Variants in ACOT12 observed in about 807,000 individuals in gnomAD.
ACOT12 encodes acetyl-coenzyme A thioesterase.
ACOT12 carries 51 observed loss-of-function variants against 67.7 expected under a neutral mutation model. The ratio of observed to expected loss-of-function variants is 0.75; its 90% CI spans 0.60 to 0.95. The LOEUF is 0.95. ACOT12 is among the 40% of genes least tolerant of loss of function. The pLI is 0.00. For synonymous variants in ACOT12, 251 were observed against 244.6 expected, an observed-to-expected ratio of 1.03 and a Z score of -0.24; for missense variants, 734 against 708.1, an observed-to-expected ratio of 1.04 and a Z score of -0.41.
chr5:81,337,316 G>A (rs1380285598), intron 11 of ACOT12, among the ~76,000 whole-genome samples: 3 of 152,238 alleles, frequency 2.0e-5, no homozygotes, highest in East Asian at 3.9e-4. Context: ...GCTCCATTCT[G>A]GTGGAACAAG....
intron 2 of ACOT12, among the ~76,000 whole-genome samples, chr5:81,380,990 G>A (rs1181889033): frequency 2.6e-5 from 4 of 152,032 alleles, no homozygotes; most frequent in South Asian, 2.1e-4. Context: ...GTAGGTAACC[G>A]TAACACAATG....
chr5:81,326,343 CA>C (rs1758676366), downstream of ACOT12, among the ~76,000 whole-genome samples: 1 of 151,860 alleles, frequency 6.6e-6, no homozygotes, highest in Non-Finnish European at 1.5e-5. Context: ...AGGCTGGTCT[CA>C]AGCTCCCCAT....
the ACOT12 span, among the ~76,000 whole-genome samples, chr5:81,317,533 TCA>T: frequency 6.7e-6 from 1 of 148,748 alleles, no homozygotes; most frequent in African/African-American, 2.5e-5. Flanking sequence ...TTTAATTGAC[TCA>T]CAGTTTCACA....
intron 6 of ACOT12, among the ~76,000 whole-genome samples, chr5:81,346,911 G>A (rs1003937277): frequency 7.9e-5 from 12 of 151,972 alleles, no homozygotes; most frequent in Non-Finnish European, 1.3e-4. Context: ...GCATTTACAG[G>A]GTACAGAGTG....
chr5:81,386,537 A>G (rs906983954), intron 1 of ACOT12, among the ~76,000 whole-genome samples: 13 of 152,150 alleles, frequency 8.5e-5, no homozygotes, highest in African/African-American at 3.1e-4. Flanking sequence ...TACATAAAAA[A>G]CACCAGAATT....
At chr5:81,336,868 A>C (rs1374401875) in intron 11 of ACOT12, among the ~76,000 whole-genome samples, 1 of 152,260 alleles carries the variant, frequency 6.6e-6, no homozygotes, top group African/African-American at 2.4e-5. Context: ...CATCAATAAG[A>C]GAATGAGAAA....
chr5:81,347,944 G>A lies in ACOT12; in HGVS notation c.497-14C>T, dbSNP rs747290507. 1 of 1,611,476 alleles carries A rather than the reference G, an allele frequency of 6.2e-7. No homozygotes were observed. Among genetic ancestry groups the A allele is most frequent in the Non-Finnish European group, 8.5e-7 (1 of 1,178,684 alleles). ...CAAAAATGAGATCTGAAAGGTGGAT[G>A]TAAACATTAATGATGGTGGAGTGAA... On this transcript the variant is annotated splice_polypyrimidine_tract_variant and intron_variant, in intron 5 of 14. Transcript: ENST00000307624.
chr5:81,359,404 G>A (rs945969093), intron 5 of ACOT12, among the ~76,000 whole-genome samples: 3 of 152,138 alleles, frequency 2.0e-5, no homozygotes, highest in African/African-American at 7.2e-5. Flanking sequence ...TAAAACGCAG[G>A]GTGATTGTGG....
rs888375746 is a variant in ACOT12, at chr5:81,348,638, C to T, written c.497-708G>A. On this transcript the variant is annotated intron_variant, in intron 5 of 14. Transcript: ENST00000307624. Reference sequence around the variant, plus strand: ...GGAGTGCAGTGGTGCGATCTCAGCTCACTGCAACCTCAGCCTCCCAGGTTC... The same window carrying T: ...GGAGTGCAGTGGTGCGATCTCAGCTTACTGCAACCTCAGCCTCCCAGGTTC... 2.6e-5 allele frequency among the ~76,000 whole-genome samples: 4 copies of T among 152,292 alleles called. No individual in the cohort carries two copies. In the East Asian group the frequency reaches 7.7e-4, roughly 29 times the overall value.
chr5:81,390,938 C>T (rs1268501195), intron 1 of ACOT12, among the ~76,000 whole-genome samples: 1 of 152,152 alleles, frequency 6.6e-6, no homozygotes, highest in Non-Finnish European at 1.5e-5. Context: ...CTCTGTATTT[C>T]AAGTAATTTT....
chr5:81,350,567 G>A (rs12514594), intron 5 of ACOT12, among the ~76,000 whole-genome samples: 9,974 of 152,068 alleles, frequency 0.066, 406 homozygotes, highest in Middle Eastern at 0.095. Flanking sequence ...TTTTTCTGTG[G>A]AAATTCTTGG....
chr5:81,343,725 C>T (rs531201334), intron 10 of ACOT12, 93 bp downstream of exon 10: 10 of 1,245,422 alleles, frequency 8.0e-6, no homozygotes, highest in African/African-American at 4.6e-5. Context: ...ACATAGCCTG[C>T]GTAGGCACAG....
chr5:81,333,161 G>T (rs1257705532), intron 12 of ACOT12, among the ~76,000 whole-genome samples: 1 of 151,940 alleles, frequency 6.6e-6, no homozygotes, highest in Non-Finnish European at 1.5e-5. Context: ...GTGGCCATCT[G>T]ACTTCAAGTT....
intron 5 of ACOT12, among the ~76,000 whole-genome samples, chr5:81,353,639 GC>G (rs1759621277): frequency 6.6e-6 from 1 of 152,140 alleles, no homozygotes. Context: ...TATATGTCAA[GC>G]TTGCAAATAA....
intron 5 of ACOT12, among the ~76,000 whole-genome samples, chr5:81,359,580 C>T (rs1049019322): frequency 1.1e-4 from 17 of 152,196 alleles, no homozygotes; most frequent in African/African-American, 4.1e-4. Flanking sequence ...CACGAAGCAC[C>T]GTGTCAATGT....
chr5:81,385,685 G>T, intron 2 of ACOT12, 72 bp downstream of exon 2: 1 of 1,398,164 alleles, frequency 7.2e-7, no homozygotes, highest in Non-Finnish European at 1.0e-6. Flanking sequence ...AATAAGCTCA[G>T]GTGCCACCAA....
At chr5:81,320,073 G>A in the ACOT12 span, among the ~76,000 whole-genome samples, 1 of 152,142 alleles carries the variant, frequency 6.6e-6, no homozygotes. Context: ...CTGGCAGGAG[G>A]GTGAACCTCC....
chr5:81,332,434 T>C (rs1758857286), intron 13 of ACOT12, 43 bp downstream of exon 13: 2 of 1,604,614 alleles, frequency 1.2e-6, no homozygotes, highest in Admixed American at 3.4e-5. Context: ...TTCTATCCTA[T>C]ACTATGAAAT....
intron 13 of ACOT12, among the ~76,000 whole-genome samples, chr5:81,331,592 C>G (rs745306454): frequency 6.6e-6 from 1 of 152,048 alleles, no homozygotes; most frequent in Non-Finnish European, 1.5e-5. Flanking sequence ...AATAGAGAAC[C>G]CTGTAGGCTA....
Sources: gnomAD v4.1 joint callset for allele counts (sites outside exome capture counted in the v4.1 genomes callset) on GRCh38, gnomAD v4.1.1 for gene constraint, MANE v1.5 for transcripts, NCBI Gene and HGNC (gene_info 2026-07-23, HGNC 2026-07-21) for gene names.